Variants in MGST1 observed in about 807,000 individuals in gnomAD.
The protein encoded by MGST1 is microsomal glutathione S-transferase 1, also known as glutathione S-transferase 12.
In MGST1, 5 loss-of-function variants were observed where a neutral mutation model predicts 8.9. The observed-to-expected ratio is 0.56, with a 90% CI of 0.29 to 1.19. The LOEUF is 1.19. MGST1 is among the 50% of genes most tolerant of loss of function. The pLI is 0.08. For missense variants in MGST1, 182 were observed against 187.4 expected (o/e 0.97, Z 0.17); for synonymous variants, 54 against 67.8 (o/e 0.80, Z 1.00).
chr12:16,384,154 A>G (rs1940483654), intron 1 of MGST1, among the ~76,000 whole-genome samples: 2 of 152,088 alleles, frequency 1.3e-5, no homozygotes, highest in South Asian at 4.1e-4. Flanking sequence ...GAGGGAACTT[A>G]CCCATCTCTG....
intron 4 of MGST1, among the ~76,000 whole-genome samples, chr12:16,545,896 A>C (rs1941821297): frequency 6.9e-6 from 1 of 145,102 alleles, no homozygotes; most frequent in Non-Finnish European, 1.5e-5. Flanking sequence ...GGAGCTAGAA[A>C]AAATAATAGT....
At chr12:16,433,675 G>A (rs1940958662) in intron 1 of MGST1, among the ~76,000 whole-genome samples, 1 of 151,956 alleles carries the variant, frequency 6.6e-6, no homozygotes, top group South Asian at 2.1e-4. Flanking sequence ...ACAACCTCAT[G>A]GAAACATTCA....
intron 4 of MGST1, among the ~76,000 whole-genome samples, chr12:16,581,033 T>A (rs1309909375): frequency 6.6e-6 from 1 of 152,166 alleles, no homozygotes; most frequent in Admixed American, 6.5e-5. Flanking sequence ...CACTAACAAA[T>A]TTTTTTCTAA....
At chr12:16,432,865 G>A (rs932035435) in intron 1 of MGST1, among the ~76,000 whole-genome samples, 3 of 151,970 alleles carry the variant, frequency 2.0e-5, no homozygotes, top group African/African-American at 7.2e-5. Context: ...AGAGCTGAAG[G>A]GTGACTTGGC....
At chr12:16,554,438 G>T (rs553516392) in intron 4 of MGST1, among the ~76,000 whole-genome samples, 1 of 152,234 alleles carries the variant, frequency 6.6e-6, no homozygotes, top group Admixed American at 6.5e-5. Flanking sequence ...GTAAGTTAGA[G>T]ATTTCTATAC....
intron 1 of MGST1, chr12:16,402,096 T>C: frequency 6.5e-7 from 1 of 1,538,294 alleles, no homozygotes; most frequent in South Asian, 1.1e-5. Flanking sequence ...TTCATTCTTT[T>C]CTCATATCAG....
rs1406817884 is a variant in MGST1, at chr12:16,549,321, A to ATATC, written n.483-40205_483-40202dup. The ATATC allele has an allele frequency of 2.6e-5, 4 of 152,320 alleles. No homozygotes were observed. The East Asian group carries it at 7.7e-4, about 29-fold the overall frequency. The allele number at this position is 152,320 out of a possible 1,614,324, so 9.4% of individuals were successfully genotyped here. A position where few individuals can be genotyped will look rare whatever the true frequency, so the allele number is the denominator to read the frequency against. On this transcript the variant is annotated intron_variant and non_coding_transcript_variant, in intron 4 of 4. Coordinates refer to the MGST1 transcript ENST00000538857. Reference sequence around the variant, plus strand: ...CTACTTTTGAATTTCTTTCTTTAGTATATCTCAAATCTGGGGAACATGGAA... The same window carrying ATATC: ...CTACTTTTGAATTTCTTTCTTTAGTATATCTATCTCAAATCTGGGGAACATGGAA...
rs1319914208 is a variant in MGST1, at chr12:16,550,926, A to G, written n.483-38602A>G. 21 of 283,430 alleles carry G rather than the reference A, an allele frequency of 7.4e-5. No individual in the cohort carries two copies. In the East Asian group the frequency reaches 1.3e-3, roughly 17 times the overall value. 17.6% of individuals were successfully genotyped at this position (283,430 alleles called of 1,614,324 possible). On this transcript the variant is annotated intron_variant and non_coding_transcript_variant, in intron 4 of 4. Coordinates refer to the MGST1 transcript ENST00000538857. ...ATTTGTGCTTCAAATATTACAATAC[A>G]TTATATACAATAGTCCAAAATAAAC...
intron 1 of MGST1, among the ~76,000 whole-genome samples, chr12:16,419,809 G>A (rs1009018935): frequency 1.3e-5 from 2 of 152,074 alleles, no homozygotes; most frequent in Admixed American, 6.6e-5. Flanking sequence ...ATATGGAGAC[G>A]GATTGGATGC....
At chr12:16,520,760 A>AGG (rs1164853644) in intron 4 of MGST1, among the ~76,000 whole-genome samples, 2 of 152,174 alleles carry the variant, frequency 1.3e-5, no homozygotes, top group Non-Finnish European at 2.9e-5. Flanking sequence ...CACTGTGAAA[A>AGG]GGTTATTTAA....
chr12:16,525,036 ATT>A (rs34390858), intron 4 of MGST1, among the ~76,000 whole-genome samples: 2,188 of 150,924 alleles, frequency 0.014, 54 homozygotes, highest in African/African-American at 0.038. Flanking sequence ...CATGGAACCC[ATT>A]TTTTTTTTTA....
At chr12:16,512,362 A>G (rs529531170) in intron 4 of MGST1, among the ~76,000 whole-genome samples, 1 of 152,330 alleles carries the variant, frequency 6.6e-6, no homozygotes, top group East Asian at 1.9e-4. Context: ...AAAAACACCC[A>G]TTGATTGAAT....
rs1167955090 is a variant in MGST1 at position 16,586,163 on chromosome 12, A to G, written n.483-3365A>G. 6.6e-6 allele frequency among the ~76,000 whole-genome samples: 1 copy of G among 152,198 alleles called. No individual in the cohort carries two copies. The highest frequency in any genetic ancestry group is 1.5e-5 in the Non-Finnish European group (1 of 68,028). ...TAAATTAAAAACCATCACAAGGAAT[A>G]ATTCAACATCCAGTTTTTCAGGTAA... On this transcript the variant is annotated intron_variant and non_coding_transcript_variant, in intron 4 of 4. Transcript: ENST00000538857. This position sits in a 1 kb window ranked among gnomAD's most constrained non-coding sequence, Gnocchi z 4.3.
intron 4 of MGST1, among the ~76,000 whole-genome samples, chr12:16,479,800 T>G (rs557683014): frequency 6.6e-6 from 1 of 152,310 alleles, no homozygotes; most frequent in East Asian, 1.9e-4. Flanking sequence ...CCTCCCAAAG[T>G]GCTGGGATTA....
chr12:16,467,711 G>A (rs1218096193), intron 4 of MGST1, among the ~76,000 whole-genome samples: 4 of 152,128 alleles, frequency 2.6e-5, no homozygotes, highest in South Asian at 2.1e-4. Context: ...TTTTCAACAA[G>A]CACTTTTCCG....
rs948982937 is a variant in MGST1, at chr12:16,500,961, C to G, written n.483-88567C>G. The stretch of plus-strand genomic sequence containing the variant: ...TGTGCTGAAAATACAAAAAACTTAG[C>G]TGGGTATGGTGGTGTGCACCTGTAG... On this transcript the variant is annotated intron_variant and non_coding_transcript_variant, in intron 4 of 4. Transcript: ENST00000538857. The surrounding 1 kb of genome is among the most constrained non-coding windows in gnomAD (Gnocchi z 4.3). Among the ~76,000 whole-genome samples, 4 of 152,128 alleles carry G rather than the reference C, an allele frequency of 2.6e-5. No homozygotes were observed. The East Asian group carries it at 5.8e-4, about 22-fold the overall frequency.
At position 16,401,243 on chromosome 12, in the gene MGST1, G is replaced by A. The variant is rs1380693277; in HGVS notation, n.778+17639G>A. 3 of 1,568,058 alleles carry A rather than the reference G, an allele frequency of 1.9e-6. No individual in the cohort carries two copies. The highest frequency in any genetic ancestry group is 2.6e-6 in the Non-Finnish European group (3 of 1,140,884). ...AACAGGGCATAGGTTTTCTCTTCTG[G>A]CTTTTTCCCCTCCTTGTTAGTCAGG... On this transcript the variant is annotated intron_variant and non_coding_transcript_variant, in intron 1 of 1. Coordinates refer to the MGST1 transcript ENST00000359720. The surrounding 1 kb of genome is among the most constrained non-coding windows in gnomAD (Gnocchi z 4.3).
chr12:16,575,802 T>C (rs1279946097), intron 4 of MGST1, among the ~76,000 whole-genome samples: 1 of 88,966 alleles, frequency 1.1e-5, no homozygotes, highest in African/African-American at 4.6e-5. Context: ...AGGAAGTGCT[T>C]ATACATAAAG....
Position 16,544,116 on chromosome 12 carries a change from T to A in MGST1, n.483-45412T>A, listed in dbSNP as rs572224305. ...TCTGGAACAGTTCACAGCATCTTAC[T>A]GTGCTGCACTGCGTTTTTCTCATGC... On this transcript the variant is annotated intron_variant and non_coding_transcript_variant, in intron 4 of 4. Transcript: ENST00000538857. This position sits in a 1 kb window ranked among gnomAD's most constrained non-coding sequence, Gnocchi z 4.8. Among the ~76,000 whole-genome samples, 3 of 152,080 alleles carry A rather than the reference T, an allele frequency of 2.0e-5. No homozygotes were observed. Among genetic ancestry groups the A allele is most frequent in the Non-Finnish European group, 4.4e-5 (3 of 67,976 alleles).
Sources: allele counts gnomAD v4.1 joint callset (sites outside exome capture counted in the v4.1 genomes callset), GRCh38; gene constraint gnomAD v4.1.1; non-coding constraint Gnocchi (gnomAD v3.1); transcripts MANE v1.5; gene names NCBI Gene and HGNC (gene_info 2026-07-23, HGNC 2026-07-21).